PTPRO: variants seen among roughly 807,000 people sequenced by gnomAD.
The protein encoded by PTPRO is receptor-type tyrosine-protein phosphatase O.
PTPRO carries 62 observed loss-of-function variants against 145.2 expected under a neutral mutation model. The observed-to-expected ratio is 0.43, with a 90% CI of 0.35 to 0.53. The LOEUF is 0.53. PTPRO is among the 20% of genes least tolerant of loss of function. PTPRO has a pLI of 0.01. For missense variants in PTPRO, 1,345 were observed against 1,482.7 expected (o/e 0.91, Z 1.53); for synonymous variants, 565 against 514.7 (o/e 1.10, Z -1.32).
intron 1 of PTPRO, among the ~76,000 whole-genome samples, chr12:15,464,149 A>G (rs1195040773): frequency 6.6e-6 from 1 of 152,198 alleles, no homozygotes; most frequent in African/African-American, 2.4e-5. Context: ...AAAGAGGCAC[A>G]GCAGAAGAGA....
intron 12 of PTPRO, among the ~76,000 whole-genome samples, chr12:15,539,586 AC>A (rs1209156356): frequency 5.9e-5 from 9 of 151,714 alleles, no homozygotes; most frequent in Admixed American, 5.3e-4. Context: ...ACATGGTGAA[AC>A]CCTGTTTCTA....
chr12:15,472,910 A>G (rs1941573663), intron 1 of PTPRO, among the ~76,000 whole-genome samples: 1 of 152,174 alleles, frequency 6.6e-6, no homozygotes, highest in African/African-American at 2.4e-5. Flanking sequence ...GAAAGGAACA[A>G]GAGCTCCTTC....
intron 1 of PTPRO, among the ~76,000 whole-genome samples, chr12:15,324,406 T>C (rs1866386981): frequency 6.6e-6 from 1 of 152,148 alleles, no homozygotes; most frequent in Admixed American, 6.5e-5. Flanking sequence ...ATAAAATAAA[T>C]GTGGCCATTG....
chr12:15,349,656 G>C (rs752638032), intron 1 of PTPRO, among the ~76,000 whole-genome samples: 1 of 152,058 alleles, frequency 6.6e-6, no homozygotes, highest in Non-Finnish European at 1.5e-5. Context: ...TTACACAAAT[G>C]TGCCCTTAAA....
At chr12:15,340,324 C>A (rs138500169) in intron 1 of PTPRO, among the ~76,000 whole-genome samples, 1 of 152,244 alleles carries the variant, frequency 6.6e-6, no homozygotes, top group East Asian at 1.9e-4. Context: ...TATTGGTCTA[C>A]CACTTCTTCC....
intron 1 of PTPRO, among the ~76,000 whole-genome samples, chr12:15,341,856 C>A (rs1320953999): frequency 6.6e-6 from 1 of 152,232 alleles, no homozygotes; most frequent in Non-Finnish European, 1.5e-5. Context: ...TACCTGCCTG[C>A]AATCACTTAG....
At chr12:15,380,914 A>AT (rs1565597198) in intron 1 of PTPRO, among the ~76,000 whole-genome samples, 2 of 152,286 alleles carry the variant, frequency 1.3e-5, no homozygotes, top group East Asian at 1.9e-4. Context: ...CTGTGAATGG[A>AT]TTTTTTAAAG....
chr12:15,501,475 C>A, intron 4 of PTPRO, 145 bp from the exon 5 acceptor site: 2 of 762,118 alleles, frequency 2.6e-6, no homozygotes, highest in Non-Finnish European at 4.3e-6. Flanking sequence ...CACAGCTTAT[C>A]TTGATGTAAA....
At chr12:15,586,155 C>T (rs1299845736) in intron 23 of PTPRO, among the ~76,000 whole-genome samples, 3 of 152,154 alleles carry the variant, frequency 2.0e-5, no homozygotes, top group Non-Finnish European at 1.5e-5. Flanking sequence ...TGAGTCAAGT[C>T]CTCTAGTATC....
intron 1 of PTPRO, among the ~76,000 whole-genome samples, chr12:15,363,188 A>G (rs1224794213): frequency 6.6e-6 from 1 of 152,212 alleles, no homozygotes; most frequent in Admixed American, 6.6e-5. Flanking sequence ...AAGGTTTGAA[A>G]TGAATATGGA....
At chr12:15,379,403 C>T (rs1294919769) in intron 1 of PTPRO, among the ~76,000 whole-genome samples, 2 of 150,454 alleles carry the variant, frequency 1.3e-5, no homozygotes, top group South Asian at 2.1e-4. Context: ...TGGGGGCGCA[C>T]ACCTGTAATT....
rs191547593 is a variant in PTPRO at position 15,412,451 on chromosome 12, A to T, written c.76-71523A>T. Among the ~76,000 whole-genome samples, 435 of 152,342 alleles carry T rather than the reference A, an allele frequency of 2.9e-3. 3 individuals carry two copies. The highest frequency in any genetic ancestry group is 0.01 in the African/African-American group (425 of 41,582). ...CAAACATATTTTTCCTGTTTTTAGG[A>T]CATTTTAAGTTTAGCTTTTGCTGCT... is the stretch of plus-strand genomic sequence containing the variant. On this transcript the variant is annotated intron_variant, in intron 1 of 26. Coordinates refer to ENST00000281171, the MANE Select transcript of PTPRO (RefSeq NM_030667.3).
chr12:15,588,142 TG>T (rs1336886220), intron 24 of PTPRO, among the ~76,000 whole-genome samples: 2 of 152,190 alleles, frequency 1.3e-5, no homozygotes, highest in Non-Finnish European at 2.9e-5. Context: ...TCTTCAACTC[TG>T]GGGTCAAACT....
chr12:15,525,802 G>T (rs1003331230), intron 11 of PTPRO, among the ~76,000 whole-genome samples: 1 of 152,138 alleles, frequency 6.6e-6, no homozygotes, highest in Non-Finnish European at 1.5e-5. Flanking sequence ...TCTTTTGAAC[G>T]TCTTAGAATG....
intron 8 of PTPRO, among the ~76,000 whole-genome samples, chr12:15,515,994 T>G (rs1200916230): frequency 1.2e-3 from 164 of 135,924 alleles, no homozygotes; most frequent in African/African-American, 1.6e-3. Context: ...TTTGTTTTGT[T>G]TTTTTTTTTT....
chr12:15,381,588 A>G (rs1325177301), intron 1 of PTPRO, among the ~76,000 whole-genome samples: 1 of 152,158 alleles, frequency 6.6e-6, no homozygotes, highest in East Asian at 1.9e-4. Context: ...GAAGACAACA[A>G]TAATCTCTTA....
chr12:15,529,368 T>A (rs1400450228), intron 12 of PTPRO, among the ~76,000 whole-genome samples: 1 of 151,908 alleles, frequency 6.6e-6, no homozygotes, highest in African/African-American at 2.4e-5. Context: ...AAGTAACTTG[T>A]TATGGCCAGG....
At position 15,322,826 on chromosome 12, in the gene PTPRO, T is replaced by C. The variant is rs1251216108; in HGVS notation, c.75+25T>C. 1.0e-5 allele frequency: 16 copies of C among 1,605,678 alleles called. No homozygotes were observed. The highest frequency in any genetic ancestry group is 1.4e-5 in the Non-Finnish European group (16 of 1,176,532). On this transcript the variant is annotated intron_variant, in intron 1 of 26. Transcript: ENST00000281171. The surrounding 1 kb of genome is among the most constrained non-coding windows in gnomAD (Gnocchi z 6.3). Reference sequence around the variant, plus strand: ...GGTAGGGGAGCTCCTCCACCCCTTTTTCCCAGCGGTCCGGGCGGCAGCCGC... The same window carrying C: ...GGTAGGGGAGCTCCTCCACCCCTTTCTCCCAGCGGTCCGGGCGGCAGCCGC...
chr12:15,563,635 C>T (rs1191184285), intron 17 of PTPRO, among the ~76,000 whole-genome samples: 1 of 152,014 alleles, frequency 6.6e-6, no homozygotes, highest in African/African-American at 2.4e-5. Context: ...ATTGAAAGTT[C>T]ATTCAATAAT....
Sources: allele counts gnomAD v4.1 joint callset (sites outside exome capture counted in the v4.1 genomes callset), GRCh38; gene constraint gnomAD v4.1.1; non-coding constraint Gnocchi (gnomAD v3.1); transcripts MANE v1.5; gene names NCBI Gene and HGNC (gene_info 2026-07-23, HGNC 2026-07-21).